Variants in MPRIP observed in about 807,000 individuals in gnomAD.
MPRIP encodes the protein myosin phosphatase Rho interacting protein, also known as myosin phosphatase Rho-interacting protein.
Under a neutral mutation model 234.9 loss-of-function variants are expected in MPRIP, and 59 were observed. The ratio of observed to expected loss-of-function variants is 0.25; its 90% CI spans 0.20 to 0.31. The LOEUF is 0.31. Ranked by LOEUF, MPRIP falls within the 10% of genes least tolerant of loss-of-function variation. The pLI is 1.00. For synonymous variants in MPRIP, 1,144 were observed against 1,263.9 expected (o/e 0.91, Z 2.01); for missense variants, 2,436 against 3,071.0 (o/e 0.79, Z 4.89).
Position 17,167,619 on chromosome 17 carries a change from C to A in MPRIP, c.6028C>A (p.Gln2010Lys), listed in dbSNP as rs780136537. Residue 2010 changes from glutamine to lysine, a missense_variant, in exon 16 of 24, where the codon CAG becomes AAG. Gln to Lys is a moderately conservative substitution (Grantham distance 53, BLOSUM62 1). This residue lies in a region of MPRIP where 1,998 missense variants were observed against 2,520.3 expected (regional missense o/e 0.79). Coordinates refer to ENST00000651222, the MANE Select transcript of MPRIP (RefSeq NM_001364716.4). This position sits in a 1 kb window ranked among gnomAD's most constrained non-coding sequence, Gnocchi z 5.9. ...GTTCCAGCTCAAGGTCCGGGAGCTG[C>A]AGACGATCCACGAGGAGGAGCTGAG... ...DRFQLKVREL[Q>K]TIHEEELRTL... 7.7e-7 allele frequency: 1 copy of A among 1,304,250 alleles called. No homozygotes were observed. The highest frequency in any genetic ancestry group is 1.0e-6 in the Non-Finnish European group (1 of 988,942). 80.8% of individuals were successfully genotyped at this position (1,304,250 alleles called of 1,614,324 possible).
intron 7 of MPRIP, among the ~76,000 whole-genome samples, chr17:17,141,174 CTT>C (rs1255405197): frequency 6.6e-6 from 1 of 152,230 alleles, no homozygotes; most frequent in Non-Finnish European, 1.5e-5. Context: ...TTTCCTGGGG[CTT>C]TCTAGGCCCC....
chr17:17,161,185 C>A, intron 14 of MPRIP, 55 bp from the exon 15 acceptor site: 1 of 1,306,776 alleles, frequency 7.7e-7, no homozygotes, highest in Non-Finnish European at 1.1e-6. Context: ...TGCTGTGCAG[C>A]TGCTTTGTTT....
In MPRIP at chr17:17,166,426, T is replaced by C. The variant is rs1168663809; in HGVS notation, c.4835T>C (p.Val1612Ala). The change falls in exon 16 of 24, where the codon GTA (valine) becomes GCA (alanine). Residue 1612 changes from valine (V) to alanine (A), a missense_variant. This residue lies in a region of MPRIP where 1,998 missense variants were observed against 2,520.3 expected (regional missense o/e 0.79). Transcript: ENST00000651222. The surrounding 1 kb of genome is among the most constrained non-coding windows in gnomAD (Gnocchi z 4.4). ...CCGATGGAATCTGCTGGGGCCCCCG[T>C]AGACACCTGGGCCAGGAAGGTCCTA... ...QPPMESAGAP[V>A]DTWARKVLVD... is the part of the protein sequence containing the mutation. 7.7e-7 allele frequency: 1 copy of C among 1,304,364 alleles called. No homozygotes were observed. The highest frequency in any genetic ancestry group is 1.0e-6 in the Non-Finnish European group (1 of 988,976). 80.8% of individuals were successfully genotyped at this position (1,304,364 alleles called of 1,614,324 possible). A position where few individuals can be genotyped will look rare whatever the true frequency, so the allele number is the denominator to read the frequency against.
rs182631164 is a variant in MPRIP, at chr17:17,067,270, C to T, written c.124-8440C>T. Among the ~76,000 whole-genome samples, 3 of 152,224 alleles carry T rather than the reference C, an allele frequency of 2.0e-5. No homozygotes were observed. In the East Asian group the frequency reaches 5.8e-4, roughly 29 times the overall value. The stretch of plus-strand genomic sequence containing the variant: ...TTTACCATTTCCCTTAAAGGAAGCA[C>T]TTTATGGCTTCTCTTTGGCATATTC... On this transcript the variant is annotated intron_variant, in intron 1 of 23. Coordinates refer to ENST00000651222, the MANE Select transcript of MPRIP (RefSeq NM_001364716.4).
intron 23 of MPRIP, among the ~76,000 whole-genome samples, chr17:17,183,804 C>T (rs1410170497): frequency 2.0e-5 from 3 of 152,204 alleles, no homozygotes; most frequent in South Asian, 4.1e-4. Context: ...AGATGGGGTA[C>T]AGCCTGCAGT....
chr17:17,166,290 G>A lies in MPRIP; in HGVS notation c.4699G>A (p.Asp1567Asn). The A allele has an allele frequency of 7.7e-7, 1 of 1,304,360 alleles. No homozygotes were observed. Among genetic ancestry groups the A allele is most frequent in the South Asian group, 1.2e-5 (1 of 81,032 alleles). The allele number at this position is 1,304,360 out of a possible 1,614,324, so 80.8% of individuals were successfully genotyped here. ...GCAGGAGCAGGTGAGGCTTCTTTCT[G>A]ACCAGATTGCTCTGGAGGCCTCGCT... ...TEQEQVRLLS[D>N]QIALEASLIS... is the part of the protein sequence containing the mutation. Residue 1567 changes from aspartate (D) to asparagine (N), a missense_variant, in exon 16 of 24, where the codon GAC becomes AAC. Asp to Asn is a conservative substitution (Grantham distance 23). Coordinates refer to ENST00000651222, the MANE Select transcript of MPRIP (RefSeq NM_001364716.4). The surrounding 1 kb of genome is among the most constrained non-coding windows in gnomAD (Gnocchi z 4.4).
At chr17:17,123,291 C>T (rs1357282772) in intron 3 of MPRIP, among the ~76,000 whole-genome samples, 4 of 152,164 alleles carry the variant, frequency 2.6e-5, no homozygotes, top group African/African-American at 9.7e-5. Flanking sequence ...GCTCTGTGAA[C>T]ATGATGCTAA....
At chr17:17,131,175 T>C (rs953814913) in intron 4 of MPRIP, among the ~76,000 whole-genome samples, 1 of 151,882 alleles carries the variant, frequency 6.6e-6, no homozygotes, top group African/African-American at 2.4e-5. Context: ...CCCCACACCC[T>C]AGTCCCTCAA....
chr17:17,075,966 A>G (rs551475063), intron 2 of MPRIP, 179 bp downstream of exon 2: 3 of 605,764 alleles, frequency 5.0e-6, no homozygotes, highest in Non-Finnish European at 8.7e-6. Context: ...TCAATTATAC[A>G]TAGTTGTGTG....
intron 9 of MPRIP, among the ~76,000 whole-genome samples, chr17:17,145,004 T>G (rs531205440): frequency 3.9e-5 from 6 of 152,350 alleles, no homozygotes; most frequent in Admixed American, 2.6e-4. Context: ...GGTGTCCTAA[T>G]TTCACAGTGT....
intron 9 of MPRIP, 22 bp downstream of exon 9, chr17:17,143,691 TC>T: frequency 6.6e-7 from 1 of 1,515,206 alleles, no homozygotes; most frequent in Non-Finnish European, 9.1e-7. Context: ...CGCCGCGTCC[TC>T]CGGAGGCCGT....
intron 15 of MPRIP, 116 bp downstream of exon 15, chr17:17,161,472 G>T: frequency 3.3e-6 from 2 of 605,262 alleles, no homozygotes; most frequent in Non-Finnish European, 5.6e-6. Context: ...TGTCTCCCAG[G>T]AGCTCATGCC....
At chr17:17,095,881 C>A (rs1181949280) in intron 3 of MPRIP, among the ~76,000 whole-genome samples, 2 of 152,200 alleles carry the variant, frequency 1.3e-5, no homozygotes, top group African/African-American at 4.8e-5. Flanking sequence ...GAAGCTTCTT[C>A]CATGCCACCA....
intron 1 of MPRIP, among the ~76,000 whole-genome samples, chr17:17,056,646 ATAAAAT>A (rs1026446074): frequency 6.6e-6 from 1 of 151,994 alleles, no homozygotes; most frequent in Admixed American, 6.5e-5. Flanking sequence ...TTCACGCAAC[ATAAAAT>A]TAACCATTTT....
At chr17:17,089,045 G>A (rs2089655567) in intron 3 of MPRIP, among the ~76,000 whole-genome samples, 1 of 152,194 alleles carries the variant, frequency 6.6e-6, no homozygotes, top group South Asian at 2.1e-4. Flanking sequence ...CCAGTCACTT[G>A]CAAACACCTG....
chr17:17,063,225 C>T (rs1290155705), intron 1 of MPRIP, among the ~76,000 whole-genome samples: 1 of 152,188 alleles, frequency 6.6e-6, no homozygotes, highest in Non-Finnish European at 1.5e-5. Flanking sequence ...GGAGCAGTTA[C>T]CTTTTCAGCT....
rs1421633715 is a variant in MPRIP, at chr17:17,164,984, C to G, written c.3393C>G (p.Leu1131=). The change falls in exon 16 of 24, where the codon CTC becomes CTG. Residue 1131 remains leucine (L), a synonymous_variant. Transcript: ENST00000651222. ...CGTCCGACGAGGATGTGGCTGAGCT[C>G]CGGGAAAAGCTGAGGAGAAGAGAGG... ...VATSDEDVAE[L]REKLRRREAD... The G allele has an allele frequency of 2.3e-6, 3 of 1,302,462 alleles. No individual in the cohort carries two copies. The highest frequency in any genetic ancestry group is 3.0e-6 in the Non-Finnish European group (3 of 988,836). 80.7% of individuals were successfully genotyped at this position (1,302,462 alleles called of 1,614,324 possible). A position where few individuals can be genotyped will look rare whatever the true frequency, so the allele number is the denominator to read the frequency against.
intron 1 of MPRIP, among the ~76,000 whole-genome samples, chr17:17,060,479 G>C (rs919985385): frequency 6.6e-6 from 1 of 152,176 alleles, no homozygotes; most frequent in Middle Eastern, 3.2e-3. Flanking sequence ...TGCCTGTTTT[G>C]CTTCCACTGC....
intron 1 of MPRIP, among the ~76,000 whole-genome samples, chr17:17,074,562 C>T (rs865828193): frequency 3.0e-4 from 45 of 152,318 alleles, no homozygotes; most frequent in African/African-American, 1.0e-3. Context: ...CAATGTTGTG[C>T]AACCATCTCC....
Sources: allele counts gnomAD v4.1 joint callset (sites outside exome capture counted in the v4.1 genomes callset), GRCh38; gene constraint gnomAD v4.1.1; regional missense constraint gnomAD v4.1.1; non-coding constraint Gnocchi (gnomAD v3.1); transcripts MANE v1.5; gene names NCBI Gene and HGNC (gene_info 2026-07-23, HGNC 2026-07-21).